Variants in RTL4 observed in about 807,000 individuals in gnomAD.
RTL4 encodes retrotransposon Gag like 4.
A neutral mutation model predicts 5.3 loss-of-function variants in RTL4; 4 were observed. The ratio of observed to expected loss-of-function variants is 0.75; its 90% CI spans 0.37 to 1.72. The LOEUF (loss-of-function observed/expected upper bound fraction) is 1.72. Among genes scored for constraint, RTL4 ranks in the 40% most tolerant of loss-of-function variants. The pLI is 0.04. For synonymous variants in RTL4, 98 were observed against 87.3 expected, an observed-to-expected ratio of 1.12 and a Z score of -0.68; for missense variants, 260 against 227.1, an observed-to-expected ratio of 1.14 and a Z score of -0.93.
exon 1 of RTL4, chrX:112,454,671 T>C (rs1926800281): frequency 2.9e-6 from 3 of 1,041,887 alleles, no homozygotes; most frequent in African/African-American, 1.9e-5. Context: ...ACTGTCTCCA[T>C]TGGTTTCCAG....
the RTL4 span, among the ~76,000 whole-genome samples, chrX:112,107,956 G>A: frequency 3.5e-4 from 39 of 110,818 alleles, no homozygotes; most frequent in African/African-American, 1.3e-3. Flanking sequence ...GCTCTATTTT[G>A]ATGCTGTCCT....
the RTL4 span, among the ~76,000 whole-genome samples, chrX:112,345,550 C>G: frequency 9.0e-6 from 1 of 111,410 alleles, no homozygotes; most frequent in Non-Finnish European, 1.9e-5. Flanking sequence ...TGCTGCCCTC[C>G]TACTTACATT....
the RTL4 span, among the ~76,000 whole-genome samples, chrX:112,107,092 G>A: frequency 5.4e-5 from 6 of 111,130 alleles, no homozygotes; most frequent in African/African-American, 2.0e-4. Context: ...ATTACTATAG[G>A]TTTTTGCTTT....
At chrX:112,405,411 A>G in the RTL4 span, among the ~76,000 whole-genome samples, 2 of 111,906 alleles carry the variant, frequency 1.8e-5, no homozygotes, top group Non-Finnish European at 3.8e-5. Context: ...CCAAACCTCA[A>G]ATGAACTATT....
the RTL4 span, among the ~76,000 whole-genome samples, chrX:112,389,048 G>T: frequency 2.7e-5 from 3 of 110,104 alleles, no homozygotes; most frequent in Non-Finnish European, 5.7e-5. Context: ...TCAGGTCCTG[G>T]GCCTTTTTTT....
At chrX:112,448,219 A>T in the RTL4 span, among the ~76,000 whole-genome samples, 1 of 112,102 alleles carries the variant, frequency 8.9e-6, no homozygotes, top group East Asian at 2.8e-4. Flanking sequence ...GACAATTTGG[A>T]ATCTGCAGAT....
the RTL4 span, among the ~76,000 whole-genome samples, chrX:112,137,109 A>G: frequency 8.9e-6 from 1 of 111,795 alleles, no homozygotes; most frequent in African/African-American, 3.3e-5. Context: ...CAACCCATAC[A>G]TCTGATAAAT....
At chrX:112,455,620 T>C (rs764607953) in exon 1 of RTL4, 83 of 1,208,161 alleles carry the variant, frequency 6.9e-5, no homozygotes, top group Non-Finnish European at 8.8e-5. Flanking sequence ...TGCCAAACGT[T>C]CTCGAGCTCC....
chrX:112,321,587 C>T, the RTL4 span, among the ~76,000 whole-genome samples: 8 of 107,318 alleles, frequency 7.5e-5, no homozygotes, highest in Admixed American at 4.0e-4. Context: ...GAAAGACAGA[C>T]AGACAGACAG....
At chrX:112,340,449 T>C in the RTL4 span, among the ~76,000 whole-genome samples, 11 of 110,844 alleles carry the variant, frequency 9.9e-5, no homozygotes, top group Admixed American at 1.9e-4. Flanking sequence ...ACAGAATGAA[T>C]CAATATATTC....
At chrX:112,318,692 A>G in the RTL4 span, among the ~76,000 whole-genome samples, 1 of 111,500 alleles carries the variant, frequency 9.0e-6, no homozygotes, top group South Asian at 3.8e-4. Flanking sequence ...TTTAAGTAAG[A>G]CACTTCAATT....
chrX:112,398,396 C>CTTTTTTTTT, the RTL4 span, among the ~76,000 whole-genome samples: 84 of 72,140 alleles, frequency 1.2e-3, no homozygotes, highest in African/African-American at 2.4e-3. Context: ...TTCTTTCTTT[C>CTTTTTTTTT]TTTTTTTTTT....
At chrX:112,248,281 A>G in the RTL4 span, among the ~76,000 whole-genome samples, 1 of 112,300 alleles carries the variant, frequency 8.9e-6, no homozygotes, top group Non-Finnish European at 1.9e-5. Flanking sequence ...GCATTTTAAA[A>G]TTTTCTCTCA....
At chrX:112,296,704 A>G in the RTL4 span, among the ~76,000 whole-genome samples, 2 of 103,188 alleles carry the variant, frequency 1.9e-5, no homozygotes, top group African/African-American at 7.2e-5. Flanking sequence ...CCGCCTCCCG[A>G]GTTCACGCCT....
chrX:112,308,528 A>G, the RTL4 span, among the ~76,000 whole-genome samples: 1 of 111,572 alleles, frequency 9.0e-6, no homozygotes, highest in Non-Finnish European at 1.9e-5. Flanking sequence ...GATGGTAGTC[A>G]GGGAAATGGA....
the RTL4 span, among the ~76,000 whole-genome samples, chrX:112,362,274 G>T: frequency 8.9e-6 from 1 of 111,804 alleles, no homozygotes; most frequent in Non-Finnish European, 1.9e-5. Context: ...GAACAAGAAA[G>T]GTGTGTTTCC....
the RTL4 span, among the ~76,000 whole-genome samples, chrX:112,111,609 A>T: frequency 1.8e-5 from 2 of 112,597 alleles, no homozygotes; most frequent in African/African-American, 6.5e-5. Context: ...CTGTGTAAAC[A>T]TTTATTCTTT....
the RTL4 span, among the ~76,000 whole-genome samples, chrX:112,122,530 A>C: frequency 2.7e-5 from 3 of 110,709 alleles, no homozygotes; most frequent in South Asian, 1.2e-3. Flanking sequence ...GATAGCATAA[A>C]CAATTTTTTA....
At chrX:112,145,482 C>A in the RTL4 span, among the ~76,000 whole-genome samples, 33 of 111,261 alleles carry the variant, frequency 3.0e-4, no homozygotes, top group Admixed American at 2.9e-3. Flanking sequence ...CTCTAAGTTT[C>A]TTTTCTCTTT....
Sources: gnomAD v4.1 joint callset for allele counts (sites outside exome capture counted in the v4.1 genomes callset) on GRCh38, gnomAD v4.1.1 for gene constraint, MANE v1.5 for transcripts, NCBI Gene and HGNC (gene_info 2026-07-23, HGNC 2026-07-21) for gene names.